The following SNTG1 variants were observed in gnomAD, a reference collection of about 807,000 sequenced individuals.
The protein encoded by SNTG1 is syntrophin gamma 1.
In SNTG1, 39 loss-of-function variants were observed where a neutral mutation model predicts 74.7. The ratio of observed to expected loss-of-function variants is 0.52; its 90% CI spans 0.40 to 0.68. The LOEUF is 0.68. SNTG1 is among the 30% of genes least tolerant of loss of function. The probability of loss-of-function intolerance (pLI) is 0.00; values close to 1 mark genes in which losing one functional copy is unlikely to be tolerated. For missense variants in SNTG1, 685 were observed against 609.5 expected (o/e 1.12, Z -1.30); for synonymous variants, 254 against 217.1 (o/e 1.17, Z -1.49).
rs181335081 is a variant in SNTG1 at position 50,405,734 on chromosome 8, C to A, written c.162+3390C>A. ...AATTGCCAAATTCAGTGTCATGAAT[C>A]TTTTCCACTATATTTTCTTCTAAGA... On this transcript the variant is annotated intron_variant, in intron 4 of 18. Coordinates refer to ENST00000642720, the MANE Select transcript of SNTG1 (RefSeq NM_018967.5). Among the ~76,000 whole-genome samples the A allele has an allele frequency of 4.2e-3, 643 of 152,096 alleles. 7 individuals carry two copies. The highest frequency in any genetic ancestry group is 0.011 in the African/African-American group (472 of 41,536).
intron 18 of SNTG1, among the ~76,000 whole-genome samples, chr8:50,760,875 C>G (rs769137048): frequency 6.6e-6 from 1 of 151,782 alleles, no homozygotes; most frequent in Non-Finnish European, 1.5e-5. Flanking sequence ...ATTGAGGCAG[C>G]AATTAATAGC....
At chr8:50,469,798 G>C (rs1159192409) in intron 8 of SNTG1, among the ~76,000 whole-genome samples, 1 of 152,144 alleles carries the variant, frequency 6.6e-6, no homozygotes, top group African/African-American at 2.4e-5. Flanking sequence ...GGCCAACAGG[G>C]TGAAACCCCG....
At chr8:50,381,617 G>T (rs1208595250) in intron 2 of SNTG1, among the ~76,000 whole-genome samples, 16 of 101,086 alleles carry the variant, frequency 1.6e-4, no homozygotes, top group Admixed American at 3.2e-4. Context: ...TCTCCTATTA[G>T]TTATATATAT....
At chr8:50,759,280 GTCT>G (rs2131730515) in intron 18 of SNTG1, among the ~76,000 whole-genome samples, 1 of 152,142 alleles carries the variant, frequency 6.6e-6, no homozygotes, top group South Asian at 2.1e-4. Flanking sequence ...TCTGATGATA[GTCT>G]CTTTTGCTGT....
At chr8:50,580,965 G>A (rs2094606652) in intron 12 of SNTG1, among the ~76,000 whole-genome samples, 1 of 152,164 alleles carries the variant, frequency 6.6e-6, no homozygotes, top group African/African-American at 2.4e-5. Context: ...GGGCCAGGAT[G>A]TGGAAGGATT....
chr8:50,303,960 T>C (rs969314979), intron 2 of SNTG1, among the ~76,000 whole-genome samples: 12 of 152,170 alleles, frequency 7.9e-5, no homozygotes, highest in African/African-American at 2.9e-4. Flanking sequence ...AATCACACAA[T>C]AGTTATGCCA....
chr8:50,020,395 AAAATC>A (rs1467418581), intron 1 of SNTG1, among the ~76,000 whole-genome samples: 2 of 152,148 alleles, frequency 1.3e-5, no homozygotes, highest in Non-Finnish European at 2.9e-5. Flanking sequence ...ATCTCTCTTT[AAAATC>A]ATTGGTTTTA....
At chr8:50,405,330 A>G (rs1318143833) in intron 4 of SNTG1, among the ~76,000 whole-genome samples, 1 of 152,084 alleles carries the variant, frequency 6.6e-6, no homozygotes, top group Non-Finnish European at 1.5e-5. Flanking sequence ...TGTGTTTTTG[A>G]TAATAGCTAT....
chr8:50,526,582 TTCA>T (rs2094221344), intron 9 of SNTG1, among the ~76,000 whole-genome samples: 2 of 152,142 alleles, frequency 1.3e-5, no homozygotes, highest in South Asian at 4.1e-4. Context: ...CTTTCTGAAC[TTCA>T]TCAAAGTCAG....
chr8:50,230,371 G>T (rs781411417), intron 2 of SNTG1, among the ~76,000 whole-genome samples: 1 of 151,076 alleles, frequency 6.6e-6, no homozygotes, highest in African/African-American at 2.4e-5. Flanking sequence ...AAGAAGGGAC[G>T]TCACTACAGA....
intron 2 of SNTG1, among the ~76,000 whole-genome samples, chr8:50,303,828 A>G (rs1409096652): frequency 6.6e-6 from 1 of 152,168 alleles, no homozygotes; most frequent in Non-Finnish European, 1.5e-5. Flanking sequence ...GTCAAGAATT[A>G]CAATTTCAAT....
intron 11 of SNTG1, among the ~76,000 whole-genome samples, chr8:50,540,659 T>G (rs1260067123): frequency 1.3e-5 from 2 of 152,170 alleles, no homozygotes; most frequent in African/African-American, 4.8e-5. Flanking sequence ...TTGCTGTATA[T>G]ATTTAATTAT....
chr8:49,983,052 C>T (rs1812829224), intron 1 of SNTG1, among the ~76,000 whole-genome samples: 1 of 152,218 alleles, frequency 6.6e-6, no homozygotes, highest in South Asian at 2.1e-4. Context: ...AGTTTCCTCT[C>T]ATCCCTACCC....
chr8:50,638,433 A>G (rs540503097), intron 13 of SNTG1, among the ~76,000 whole-genome samples: 2 of 152,256 alleles, frequency 1.3e-5, no homozygotes, highest in African/African-American at 4.8e-5. Context: ...CAAAGCTATC[A>G]TATAATAAAA....
intron 18 of SNTG1, among the ~76,000 whole-genome samples, chr8:50,772,833 T>C (rs1029077006): frequency 6.6e-6 from 1 of 152,088 alleles, no homozygotes; most frequent in Non-Finnish European, 1.5e-5. Context: ...CTTGTGGAAA[T>C]GCATTATTTC....
chr8:49,954,277 G>C (rs1809973298), intron 1 of SNTG1, among the ~76,000 whole-genome samples: 2 of 152,100 alleles, frequency 1.3e-5, no homozygotes, highest in South Asian at 4.1e-4. Flanking sequence ...TAAATTAGTA[G>C]GCCACATTCA....
intron 1 of SNTG1, among the ~76,000 whole-genome samples, chr8:50,044,526 G>A (rs1185645324): frequency 6.6e-6 from 1 of 152,134 alleles, no homozygotes; most frequent in African/African-American, 2.4e-5. Flanking sequence ...GGGCATATGA[G>A]GGTCACCATT....
intron 18 of SNTG1, among the ~76,000 whole-genome samples, chr8:50,774,445 A>G (rs2095634871): frequency 6.6e-6 from 1 of 151,804 alleles, no homozygotes; most frequent in Admixed American, 6.6e-5. Context: ...AGGTAATAGA[A>G]CGGCACATTT....
At chr8:50,086,535 A>G (rs552474175) in intron 1 of SNTG1, among the ~76,000 whole-genome samples, 22 of 152,256 alleles carry the variant, frequency 1.4e-4, no homozygotes, top group Admixed American at 1.2e-3. Flanking sequence ...TCTGCTTGAA[A>G]GGTCAGATGA....
Sources: gnomAD v4.1 joint callset for allele counts (sites outside exome capture counted in the v4.1 genomes callset) on GRCh38, gnomAD v4.1.1 for gene constraint, MANE v1.5 for transcripts, NCBI Gene and HGNC (gene_info 2026-07-23, HGNC 2026-07-21) for gene names.